AGBL1: variants seen among roughly 807,000 people sequenced by gnomAD.
AGBL1 encodes the protein AGBL carboxypeptidase 1.
Under a neutral mutation model 118.9 loss-of-function variants are expected in AGBL1, and 130 were observed. The ratio of observed to expected loss-of-function variants is 1.09; its 90% CI spans 0.95 to 1.26. The LOEUF is 1.26. Ranked by LOEUF, AGBL1 falls within the 50% of genes most tolerant of loss-of-function variation. The pLI is 0.00. For missense variants in AGBL1, 1,584 were observed against 1,298.1 expected (o/e 1.22, Z -3.38); for synonymous variants, 555 against 478.9 (o/e 1.16, Z -2.08).
Position 86,615,847 on chromosome 15 carries a change from AAATT to A in AGBL1, c.2995-58418_2995-58415del, listed in dbSNP as rs1168718155. ...CAGGGAAAGACTGTTGTAAAATGAAAAATTAATTAATAGGGATGACAGTGTTGGG... is the reference window on the plus strand; with the variant it reads ...CAGGGAAAGACTGTTGTAAAATGAAAAATTAATAGGGATGACAGTGTTGGG... On this transcript the variant is annotated intron_variant, in intron 21 of 22. Coordinates refer to ENST00000614907, the MANE Select transcript of AGBL1 (RefSeq NM_001386094.1). This position sits in a 1 kb window ranked among gnomAD's most constrained non-coding sequence, Gnocchi z 4.3. Among the ~76,000 whole-genome samples, 2 of 152,166 alleles carry A rather than the reference AAATT, an allele frequency of 1.3e-5. No individual in the cohort carries two copies. The highest frequency in any genetic ancestry group is 2.4e-5 in the African/African-American group (1 of 41,420).
intron 24 of AGBL1, among the ~76,000 whole-genome samples, chr15:86,991,409 C>T (rs2081334656): frequency 6.6e-6 from 1 of 151,658 alleles, no homozygotes; most frequent in South Asian, 2.1e-4. Flanking sequence ...TTCTCCAGGC[C>T]CCTTATGTAC....
chr15:86,430,590 G>T (rs1208932967), intron 18 of AGBL1, among the ~76,000 whole-genome samples: 1 of 151,592 alleles, frequency 6.6e-6, no homozygotes, highest in Admixed American at 6.6e-5. Context: ...ATCCTCAAAA[G>T]CACACATCAA....
At chr15:86,294,582 A>G (rs369908684) in intron 16 of AGBL1, among the ~76,000 whole-genome samples, 18 of 151,986 alleles carry the variant, frequency 1.2e-4, no homozygotes, top group African/African-American at 4.1e-4. Flanking sequence ...TATTTTTTCA[A>G]TGTGCTCACA....
chr15:86,875,317 C>T (rs1324159765), intron 22 of AGBL1, among the ~76,000 whole-genome samples: 1 of 152,306 alleles, frequency 6.6e-6, no homozygotes, highest in South Asian at 2.1e-4. Context: ...AGCCCAGAGC[C>T]AGATCACATC....
At chr15:86,925,140 G>A (rs1480096214) in intron 23 of AGBL1, among the ~76,000 whole-genome samples, 5 of 39,830 alleles carry the variant, frequency 1.3e-4, no homozygotes, top group East Asian at 9.4e-4. Flanking sequence ...AAGAGGAAGA[G>A]GAAGAGGAGG....
chr15:86,298,280 T>TA (rs56326623), intron 17 of AGBL1, among the ~76,000 whole-genome samples: 1 of 89,656 alleles, frequency 1.1e-5, no homozygotes, highest in Admixed American at 1.1e-4. Context: ...TATATATATA[T>TA]GGTAACTATA....
intron 18 of AGBL1, among the ~76,000 whole-genome samples, chr15:86,458,098 A>G (rs1238663334): frequency 3.3e-5 from 5 of 152,166 alleles, no homozygotes; most frequent in Admixed American, 3.3e-4. Context: ...ATGAGTTAAA[A>G]AAATCTGATA....
intron 18 of AGBL1, among the ~76,000 whole-genome samples, chr15:86,464,293 T>A (rs1375593225): frequency 6.6e-6 from 1 of 152,220 alleles, no homozygotes; most frequent in African/African-American, 2.4e-5. Flanking sequence ...TAATTTTGTA[T>A]CCTGAGACTT....
chr15:87,025,089 T>C (rs144882221), intron 24 of AGBL1, among the ~76,000 whole-genome samples: 4,363 of 152,106 alleles, frequency 0.029, 87 homozygotes, highest in Middle Eastern at 0.058. Context: ...ATGGCCACTC[T>C]CACCACTCCT....
downstream of AGBL1, among the ~76,000 whole-genome samples, chr15:86,917,177 G>A (rs1327733497): frequency 6.6e-6 from 1 of 152,152 alleles, no homozygotes; most frequent in Admixed American, 6.5e-5. This position sits in a 1 kb window ranked among gnomAD's most constrained non-coding sequence, Gnocchi z 4.8. Flanking sequence ...AGATGGGGGA[G>A]AGGCGTGGCT....
intron 12 of AGBL1, 51 bp from the exon 13 acceptor site, chr15:86,266,939 T>C (rs2079083606): frequency 7.5e-7 from 1 of 1,338,760 alleles, no homozygotes; most frequent in African/African-American, 1.5e-5. Context: ...CACACTGTTT[T>C]CAAAGAGTAG....
At chr15:86,939,657 T>A (rs767774737) in intron 23 of AGBL1, 2 of 152,258 alleles carry the variant, frequency 1.3e-5, no homozygotes, top group Non-Finnish European at 2.9e-5. Context: ...CTTACCTCTC[T>A]CCTCAAAGGC....
chr15:86,731,327 C>G (rs1322967603), intron 22 of AGBL1, among the ~76,000 whole-genome samples: 2 of 152,168 alleles, frequency 1.3e-5, no homozygotes, highest in Non-Finnish European at 2.9e-5. Context: ...CAGTCTGATT[C>G]TCTTACTCTC....
In AGBL1 at chr15:86,555,984, G is replaced by T. The variant is rs891694924; in HGVS notation, c.2994+1447G>T. Among the ~76,000 whole-genome samples the T allele has an allele frequency of 2.6e-5, 4 of 152,154 alleles. No homozygotes were observed. The South Asian group carries it at 8.3e-4, about 31-fold the overall frequency. On this transcript the variant is annotated intron_variant, in intron 21 of 22. Coordinates refer to ENST00000614907, the MANE Select transcript of AGBL1 (RefSeq NM_001386094.1). The stretch of plus-strand genomic sequence containing the variant: ...GTGTCTCTCTCTGTACATGTGTCTT[G>T]ATGGGAAGGGGCTTGTCATTTGTTT...
At chr15:86,375,475 T>A (rs2081029971) in intron 17 of AGBL1, among the ~76,000 whole-genome samples, 2 of 152,126 alleles carry the variant, frequency 1.3e-5, no homozygotes, top group African/African-American at 4.8e-5. Context: ...TCATGGGGAT[T>A]ACAGTTCAAG....
chr15:86,646,482 G>A (rs1396397851), intron 21 of AGBL1, among the ~76,000 whole-genome samples: 1 of 152,080 alleles, frequency 6.6e-6, no homozygotes, highest in Admixed American at 6.6e-5. Context: ...TCATCTTTCT[G>A]TTTACTTTTC....
chr15:86,967,707 C>A, intron 23 of AGBL1, among the ~76,000 whole-genome samples: 1 of 152,054 alleles, frequency 6.6e-6, no homozygotes. Flanking sequence ...GTACCAGGAC[C>A]ATGCTGCTTT....
chr15:86,186,137 G>A (rs1404766863), intron 5 of AGBL1, among the ~76,000 whole-genome samples: 2 of 151,994 alleles, frequency 1.3e-5, no homozygotes, highest in African/African-American at 2.4e-5. Flanking sequence ...AAAATATCAC[G>A]CGTTCTGTTC....
intron 18 of AGBL1, among the ~76,000 whole-genome samples, chr15:86,511,157 A>G (rs951807751): frequency 6.6e-6 from 1 of 152,114 alleles, no homozygotes; most frequent in African/African-American, 2.4e-5. Flanking sequence ...TTGTACCTGA[A>G]ACAAACTTGT....
Sources: gnomAD v4.1 joint callset for allele counts (sites outside exome capture counted in the v4.1 genomes callset) on GRCh38, gnomAD v4.1.1 for gene constraint, Gnocchi (gnomAD v3.1) non-coding constraint, MANE v1.5 for transcripts, NCBI Gene and HGNC (gene_info 2026-07-23, HGNC 2026-07-21) for gene names.